The following KDM2A variants were observed in gnomAD, a reference collection of about 807,000 sequenced individuals.
KDM2A encodes lysine demethylase 2A, also known as lysine-specific demethylase 2A.
In KDM2A, 3 loss-of-function variants were observed where a neutral mutation model predicts 137.3. That is an observed-to-expected ratio of 0.02 (90% CI 0.01 to 0.06). KDM2A has a LOEUF of 0.06. Ranked by LOEUF, KDM2A falls within the 10% of genes least tolerant of loss-of-function variation. KDM2A has a pLI of 1.00. For missense variants in KDM2A, 738 were observed against 1,510.6 expected (o/e 0.49, Z 8.48); for synonymous variants, 512 against 541.5 (o/e 0.95, Z 0.76).
chr11:67,198,041 T>C (rs1333809512), intron 5 of KDM2A, among the ~76,000 whole-genome samples: 2 of 152,196 alleles, frequency 1.3e-5, no homozygotes, highest in African/African-American at 2.4e-5. Flanking sequence ...ACTATTAAGA[T>C]TGAAAATATA....
At chr11:67,230,738 G>A (rs1004225290) in intron 11 of KDM2A, among the ~76,000 whole-genome samples, 1 of 152,068 alleles carries the variant, frequency 6.6e-6, no homozygotes, top group African/African-American at 2.4e-5. Context: ...GTAGGATGGA[G>A]GGATAAGGGA....
intron 5 of KDM2A, among the ~76,000 whole-genome samples, chr11:67,206,998 G>A (rs1017889456): frequency 3.3e-5 from 5 of 152,152 alleles, no homozygotes; most frequent in South Asian, 2.1e-4. Flanking sequence ...ACAGGTTTGC[G>A]AAATAGCCCT....
chr11:67,247,188 C>G (rs1859276183), intron 15 of KDM2A, among the ~76,000 whole-genome samples: 1 of 137,384 alleles, frequency 7.3e-6, no homozygotes, highest in Admixed American at 7.7e-5. Context: ...CTCTGGTGTT[C>G]AAGTGATTCT....
At chr11:67,172,111 T>A (rs1419107942) in intron 2 of KDM2A, among the ~76,000 whole-genome samples, 1 of 152,048 alleles carries the variant, frequency 6.6e-6, no homozygotes, top group Non-Finnish European at 1.5e-5. Context: ...TACCTCAGCC[T>A]CCTGTGGAGT....
intron 5 of KDM2A, among the ~76,000 whole-genome samples, chr11:67,201,410 G>C (rs1857619977): frequency 6.6e-6 from 1 of 151,964 alleles, no homozygotes; most frequent in African/African-American, 2.4e-5. Context: ...ATAGGCCCAG[G>C]TGGTGGATCC....
intron 2 of KDM2A, among the ~76,000 whole-genome samples, chr11:67,164,450 T>TA (rs1396138353): frequency 3.3e-5 from 5 of 152,180 alleles, no homozygotes; most frequent in Non-Finnish European, 7.3e-5. Flanking sequence ...AACTGTTCAT[T>TA]AAGTGTTGAT....
intron 5 of KDM2A, among the ~76,000 whole-genome samples, chr11:67,188,326 C>G (rs535255598): frequency 6.6e-6 from 1 of 151,932 alleles, no homozygotes; most frequent in East Asian, 1.9e-4. Context: ...ACTAAAAATA[C>G]AAAATATTAG....
intron 2 of KDM2A, among the ~76,000 whole-genome samples, chr11:67,177,952 CATGGGAACACTGTCAT>C (rs1279777518): frequency 6.6e-6 from 1 of 152,124 alleles, no homozygotes; most frequent in Non-Finnish European, 1.5e-5. Flanking sequence ...ACTGTAATCT[CATGGGAACACTGTCAT>C]ATATGTGCAG....
intron 2 of KDM2A, among the ~76,000 whole-genome samples, chr11:67,178,694 TTATC>T (rs757547026): frequency 1.4e-4 from 22 of 152,204 alleles, no homozygotes; most frequent in African/African-American, 4.3e-4. Context: ...TTTTCAGAGT[TTATC>T]TATGTCATGG....
intron 5 of KDM2A, among the ~76,000 whole-genome samples, chr11:67,206,771 C>T (rs538035442): frequency 1.5e-4 from 23 of 152,336 alleles, no homozygotes; most frequent in African/African-American, 5.3e-4. Context: ...GTCTCTTTGA[C>T]TCCAAAGCTA....
At chr11:67,212,799 CTCAT>C (rs1858032850) in intron 6 of KDM2A, among the ~76,000 whole-genome samples, 1 of 151,598 alleles carries the variant, frequency 6.6e-6, no homozygotes, top group Non-Finnish European at 1.5e-5. Flanking sequence ...AAAAAAAATA[CTCAT>C]ATGTTCTGAA....
intron 10 of KDM2A, among the ~76,000 whole-genome samples, chr11:67,220,890 T>TA (rs1330336593): frequency 6.6e-6 from 1 of 151,908 alleles, no homozygotes; most frequent in Non-Finnish European, 1.5e-5. Flanking sequence ...TTTCAACCAT[T>TA]AAAAAATGTA....
chr11:67,238,059 G>T (rs1858922243), intron 12 of KDM2A, among the ~76,000 whole-genome samples: 1 of 151,960 alleles, frequency 6.6e-6, no homozygotes. Context: ...ATGTAACTCA[G>T]TTATGAGGCA....
At chr11:67,210,940 G>C (rs113116797) in intron 6 of KDM2A, among the ~76,000 whole-genome samples, 1 of 151,924 alleles carries the variant, frequency 6.6e-6, no homozygotes, top group Non-Finnish European at 1.5e-5. Context: ...CCAAGAGTTC[G>C]AGACCACTCG....
intron 2 of KDM2A, among the ~76,000 whole-genome samples, chr11:67,147,536 C>T (rs1001525694): frequency 1.7e-4 from 25 of 148,572 alleles, no homozygotes; most frequent in South Asian, 6.4e-4. Flanking sequence ...AGCGAGACTC[C>T]GTCTTAAAAA....
rs1455998520 is a variant in KDM2A at position 67,250,586 on chromosome 11, G to C, written c.2556G>C (p.Gly852=). Residue 852 remains glycine (G), a synonymous_variant, in exon 17 of 21, where the codon GGG becomes GGC. Transcript: ENST00000529006. The surrounding 1 kb of genome is among the most constrained non-coding windows in gnomAD (Gnocchi z 7.1). The part of the protein sequence containing the change: ...ARTPQRGDEE[G]LGGEEEEEEE... ...CCCCCCAGCGTGGGGATGAGGAGGG[G>C]CTGGGGGGAGAGGAGGAGGAAGAGG... is the stretch of plus-strand genomic sequence containing the variant. The C allele has an allele frequency of 6.2e-7, 1 of 1,613,168 alleles. No homozygotes were observed. The highest frequency in any genetic ancestry group is 1.3e-5 in the African/African-American group (1 of 74,920).
In KDM2A at chr11:67,136,651, C is replaced by G. The variant is rs1373632788; in HGVS notation, c.42+15293C>G. 2.6e-5 allele frequency among the ~76,000 whole-genome samples: 4 copies of G among 152,090 alleles called. No individual in the cohort carries two copies. In the East Asian group the frequency reaches 5.8e-4, roughly 22 times the overall value. Reference sequence around the variant, plus strand: ...AGAAGGTGGCATTTTGTACTGAGACCTGAGTGATGAACAGCCAATCTTGTG... The same window carrying G: ...AGAAGGTGGCATTTTGTACTGAGACGTGAGTGATGAACAGCCAATCTTGTG... On this transcript the variant is annotated intron_variant, in intron 2 of 20. Coordinates refer to ENST00000529006, the MANE Select transcript of KDM2A (RefSeq NM_012308.3).
chr11:67,228,474 T>C (rs1858612494), intron 11 of KDM2A, among the ~76,000 whole-genome samples: 1 of 151,976 alleles, frequency 6.6e-6, no homozygotes, highest in African/African-American at 2.4e-5. Context: ...GGCGAATGGC[T>C]TGAGCCCAGG....
At chr11:67,204,495 CTT>C (rs749577884) in intron 5 of KDM2A, among the ~76,000 whole-genome samples, 31 of 140,400 alleles carry the variant, frequency 2.2e-4, no homozygotes, top group African/African-American at 3.4e-4. Flanking sequence ...TTTCTTTTTT[CTT>C]TTTTTTTTTT....
Sources: allele counts gnomAD v4.1 joint callset (sites outside exome capture counted in the v4.1 genomes callset), GRCh38; gene constraint gnomAD v4.1.1; non-coding constraint Gnocchi (gnomAD v3.1); transcripts MANE v1.5; gene names NCBI Gene and HGNC (gene_info 2026-07-23, HGNC 2026-07-21).